ADCY3: variants seen among roughly 807,000 people sequenced by gnomAD.
ADCY3 encodes the protein adenylate cyclase type 3.
In ADCY3, 70 loss-of-function variants were observed where a neutral mutation model predicts 119.4. The ratio of observed to expected loss-of-function variants is 0.59; its 90% CI spans 0.48 to 0.72. The LOEUF is 0.72. ADCY3 is among the 30% of genes least tolerant of loss of function. The probability of loss-of-function intolerance (pLI) is 0.00; values close to 1 mark genes in which losing one functional copy is unlikely to be tolerated. For synonymous variants in ADCY3, 672 were observed against 621.4 expected, an observed-to-expected ratio of 1.08 and a Z score of -1.21; for missense variants, 1,238 against 1,541.6, an observed-to-expected ratio of 0.80 and a Z score of 3.30.
chr2:24,906,632 C>T (rs746984333), intron 2 of ADCY3, among the ~76,000 whole-genome samples: 13 of 152,218 alleles, frequency 8.5e-5, no homozygotes, highest in African/African-American at 2.7e-4. Flanking sequence ...GAACAACCCT[C>T]GGCACCATGC....
chr2:24,849,712 G>A (rs551861703), intron 3 of ADCY3, among the ~76,000 whole-genome samples: 59 of 152,270 alleles, frequency 3.9e-4, no homozygotes, highest in Admixed American at 9.2e-4. Context: ...ACGTCAGTGC[G>A]TGCAGAAGAA....
chr2:24,902,953 C>T (rs1379002956), intron 2 of ADCY3, among the ~76,000 whole-genome samples: 1 of 151,980 alleles, frequency 6.6e-6, no homozygotes. Context: ...ATCACTTGAG[C>T]CCAAGAGGTT....
At chr2:24,869,108 T>C (rs948369050) in intron 3 of ADCY3, among the ~76,000 whole-genome samples, 1 of 151,916 alleles carries the variant, frequency 6.6e-6, no homozygotes, top group Non-Finnish European at 1.5e-5. Context: ...GCTAAAACAA[T>C]AAGCCTTAGC....
chr2:24,885,070 T>G (rs974909456), intron 2 of ADCY3, among the ~76,000 whole-genome samples: 1 of 152,216 alleles, frequency 6.6e-6, no homozygotes, highest in African/African-American at 2.4e-5. Context: ...ACTCTCTTAG[T>G]CACATGACAG....
At chr2:24,877,312 T>G (rs1381681279) in intron 2 of ADCY3, among the ~76,000 whole-genome samples, 1 of 152,056 alleles carries the variant, frequency 6.6e-6, no homozygotes, top group African/African-American at 2.4e-5. Flanking sequence ...CAGCCTCTGG[T>G]CAGCAGGCGA....
chr2:24,820,648 G>A (rs551787309), intron 21 of ADCY3, 76 bp downstream of exon 21: 24 of 1,587,218 alleles, frequency 1.5e-5, no homozygotes, highest in Non-Finnish European at 2.0e-5. Context: ...GGAGGCAGGG[G>A]CACGTGGGAA....
In ADCY3 at chr2:24,839,964, C is replaced by G. The variant is rs201280523; in HGVS notation, c.1264G>C (p.Gly422Arg). The G allele has an allele frequency of 6.2e-7, 1 of 1,613,878 alleles. No homozygotes were observed. The highest frequency in any genetic ancestry group is 8.5e-7 in the Non-Finnish European group (1 of 1,180,028). ...RVGVHTGTVLGGVLGQKRWQY... is the reference protein window; with the variant it reads ...RVGVHTGTVLRGVLGQKRWQY... Reference sequence around the variant, plus strand: ...CAGCGCTTCTGGCCCAGGACGCCCCCCAGCACGGTGCCCGTGTGCACCCCC... The same window carrying G: ...CAGCGCTTCTGGCCCAGGACGCCCCGCAGCACGGTGCCCGTGTGCACCCCC... The change falls in exon 7 of 22, where the codon GGG becomes CGG. Residue 422 changes from glycine to arginine, a missense_variant. By Grantham distance (125) the Gly-to-Arg change is moderately radical. Around this residue, in one of 7 missense-constraint regions of ADCY3, gnomAD observed 283 missense variants for 437.2 expected, o/e 0.65. Transcript: ENST00000679454.
At chr2:24,893,960 T>G (rs574693151) in intron 2 of ADCY3, among the ~76,000 whole-genome samples, 1 of 152,324 alleles carries the variant, frequency 6.6e-6, no homozygotes, top group African/African-American at 2.4e-5. Flanking sequence ...TATGGCTATA[T>G]TTAAAACTGT....
rs1244704382 is a variant in ADCY3, at chr2:24,920,173, C to T, written c.-688G>A. Among the ~76,000 whole-genome samples the T allele has an allele frequency of 6.8e-6, 1 of 146,164 alleles. No individual in the cohort carries two copies. The highest frequency in any genetic ancestry group is 1.5e-5 in the Non-Finnish European group (1 of 65,722). On this transcript the variant is annotated 5_prime_UTR_variant, in exon 1 of 22. Transcript: ENST00000679454. The surrounding 1 kb of genome is among the most constrained non-coding windows in gnomAD (Gnocchi z 4.5). The stretch of plus-strand genomic sequence containing the variant: ...CGCGCCGAGCCGAGCCAGCCGAGTC[C>T]GGGCTCGGCGTGCTGCACAGCTATT...
chr2:24,838,986 A>G, intron 7 of ADCY3: 1 of 1,113,066 alleles, frequency 9.0e-7, no homozygotes. Context: ...TCTGTCGCCC[A>G]GGATGGAGTG....
At chr2:24,904,798 C>T (rs570086301) in intron 2 of ADCY3, among the ~76,000 whole-genome samples, 11 of 151,776 alleles carry the variant, frequency 7.2e-5, no homozygotes, top group Non-Finnish European at 1.6e-4. Flanking sequence ...TGCACCACCA[C>T]GTCCAGCTAA....
rs1351855290 is a variant in ADCY3 at position 24,825,345 on chromosome 2, GGGGTGCGGGGGGGGT to G, written c.2577+685_2577+699del. On this transcript the variant is annotated intron_variant, in intron 16 of 21. Coordinates refer to ENST00000679454, the MANE Select transcript of ADCY3 (RefSeq NM_004036.5). Reference sequence around the variant, plus strand: ...TGCGGTGGTTGTGGCGGGGGGGGGGGGGGTGCGGGGGGGGTGTCTCACTTTGTCACCCAGGCTGGA... The same window carrying G: ...TGCGGTGGTTGTGGCGGGGGGGGGGGGTCTCACTTTGTCACCCAGGCTGGA... Among the ~76,000 whole-genome samples, 9 of 19,560 alleles carry G rather than the reference GGGGTGCGGGGGGGGT, an allele frequency of 4.6e-4. No individual in the cohort carries two copies. The South Asian group carries it at 0.024, about 53-fold the overall frequency. The allele number at this position is 19,560 out of a possible 152,430, so 12.8% of individuals were successfully genotyped here.
intron 3 of ADCY3, among the ~76,000 whole-genome samples, chr2:24,852,350 G>A (rs1338225623): frequency 6.6e-6 from 1 of 152,194 alleles, no homozygotes; most frequent in Non-Finnish European, 1.5e-5. Context: ...GGGGGGTACA[G>A]GGGCAGTGGT....
intron 3 of ADCY3, among the ~76,000 whole-genome samples, chr2:24,859,171 T>G (rs1673349783): frequency 6.6e-6 from 1 of 152,212 alleles, no homozygotes; most frequent in Non-Finnish European, 1.5e-5. Flanking sequence ...AGGCTGATGC[T>G]GGGGGTGGGG....
Position 24,838,885 on chromosome 2 carries a change from G to A in ADCY3, c.1356-263C>T, listed in dbSNP as rs760499634. On this transcript the variant is annotated intron_variant, in intron 7 of 21. Transcript: ENST00000679454. ...TCAGTGTTGGAGCCACGACACAGGA[G>A]TACAATCTTTCTTCAATCTTTGATC... 13 of 1,579,908 alleles carry A rather than the reference G, an allele frequency of 8.2e-6. No individual in the cohort carries two copies. The Middle Eastern group carries it at 8.5e-4, about 103-fold the overall frequency.
chr2:24,863,481 C>T (rs1478469746), intron 3 of ADCY3, among the ~76,000 whole-genome samples: 2 of 152,156 alleles, frequency 1.3e-5, no homozygotes, highest in Non-Finnish European at 2.9e-5. Flanking sequence ...TGAGTCAAAA[C>T]TTAATAAACT....
chr2:24,902,411 A>C (rs1169728483), intron 2 of ADCY3, among the ~76,000 whole-genome samples: 1 of 151,940 alleles, frequency 6.6e-6, no homozygotes, highest in Non-Finnish European at 1.5e-5. Context: ...ATATGGACAA[A>C]TATGTACAGC....
chr2:24,904,563 C>G (rs1220505180), intron 2 of ADCY3, among the ~76,000 whole-genome samples: 4 of 152,126 alleles, frequency 2.6e-5, no homozygotes, highest in African/African-American at 7.2e-5. Context: ...GATTCTTTGT[C>G]TCTGTGGAGA....
In ADCY3 at chr2:24,819,969, G is replaced by T. The variant is rs779807680; in HGVS notation, c.3398C>A (p.Ser1133Tyr). ...CACCACCTGGTGGGGCAGTGTGACA[G>T]AGGGGCCATTGGGGAAGGTGGCTAG... The part of the protein sequence containing the change: ...DKLATFPNGP[S>Y]VTLPHQVVDN... The change falls in exon 22 of 22, where the codon TCT becomes TAT. Residue 1133 changes from serine (S) to tyrosine (Y), a missense_variant. Around this residue, in one of 7 missense-constraint regions of ADCY3, gnomAD observed 86 missense variants for 70.7 expected, o/e 1.22. Transcript: ENST00000679454. 6 of 1,613,814 alleles carry T rather than the reference G, an allele frequency of 3.7e-6. No homozygotes were observed. In the Admixed American group the frequency reaches 6.7e-5, roughly 18 times the overall value.
Sources: gnomAD v4.1 joint callset for allele counts (sites outside exome capture counted in the v4.1 genomes callset) on GRCh38, gnomAD v4.1.1 for gene constraint, gnomAD v4.1.1 regional missense constraint, Gnocchi (gnomAD v3.1) non-coding constraint, MANE v1.5 for transcripts, NCBI Gene and HGNC (gene_info 2026-07-23, HGNC 2026-07-21) for gene names.